The following TRPC5 variants were observed in gnomAD, a reference collection of about 807,000 sequenced individuals.
The protein encoded by TRPC5 is transient receptor potential cation channel subfamily C member 5.
TRPC5 carries 9 observed loss-of-function variants against 56.5 expected under a neutral mutation model. That is an observed-to-expected ratio of 0.16 (90% CI 0.10 to 0.28). The LOEUF is 0.28. TRPC5 is among the 10% of genes least tolerant of loss of function. The probability of loss-of-function intolerance (pLI) is 1.00; values close to 1 mark genes in which losing one functional copy is unlikely to be tolerated. For missense variants in TRPC5, 469 were observed against 748.9 expected, an observed-to-expected ratio of 0.63 and a Z score of 4.36; for synonymous variants, 282 against 278.5, an observed-to-expected ratio of 1.01 and a Z score of -0.13.
chrX:111,830,939 G>A (rs776347930), intron 7 of TRPC5, among the ~76,000 whole-genome samples: 77 of 112,366 alleles, frequency 6.9e-4, no homozygotes, highest in Non-Finnish European at 1.3e-3. Context: ...TACATCTGCA[G>A]AATCCCTTTT....
chrX:111,855,111 C>A (rs1410065109), intron 3 of TRPC5, among the ~76,000 whole-genome samples: 1 of 112,321 alleles, frequency 8.9e-6, no homozygotes, highest in Non-Finnish European at 1.9e-5. Context: ...CACCATTTAG[C>A]TTACTAGTAC....
intron 7 of TRPC5, among the ~76,000 whole-genome samples, chrX:111,826,016 G>A (rs1922225147): frequency 8.9e-6 from 1 of 112,257 alleles, no homozygotes; most frequent in Non-Finnish European, 1.9e-5. Context: ...GAATAGACCT[G>A]AGAGTAAGCA....
At chrX:111,994,077 G>T (rs182233846) in intron 1 of TRPC5, among the ~76,000 whole-genome samples, 8 of 111,805 alleles carry the variant, frequency 7.2e-5, no homozygotes, top group African/African-American at 2.3e-4. Context: ...ATTAATTTTT[G>T]TATAAAGTGT....
Position 111,853,915 on chromosome X carries a change from A to G in TRPC5, c.1092T>C (p.Phe364=). Residue 364 remains phenylalanine, a synonymous_variant, in exon 4 of 11, where the codon TTT becomes TTC. Transcript: ENST00000262839. ...ATGCTGTGTGGCAGATAAACTTGAT[A>G]AAGGGTTTCTTGATGAACAGCCCAA... is the stretch of plus-strand genomic sequence containing the variant. ...SNLGLFIKKP[F]IKFICHTASY... is the part of the protein sequence containing the mutation. The G allele has an allele frequency of 8.3e-7, 1 of 1,211,838 alleles. No individual in the cohort carries two copies. Among genetic ancestry groups the G allele is most frequent in the Non-Finnish European group, 1.1e-6 (1 of 895,557 alleles).
At chrX:111,844,596 G>A (rs1225192764) in intron 6 of TRPC5, among the ~76,000 whole-genome samples, 3 of 107,737 alleles carry the variant, frequency 2.8e-5, no homozygotes, top group Non-Finnish European at 5.7e-5. Flanking sequence ...CTCCCAAGTA[G>A]CTGGGATTAC....
At chrX:111,974,858 C>A (rs1460838792) in intron 1 of TRPC5, among the ~76,000 whole-genome samples, 2 of 111,827 alleles carry the variant, frequency 1.8e-5, no homozygotes, top group African/African-American at 6.5e-5. Flanking sequence ...AAATAATTTA[C>A]AAAATCCATG....
rs1254763026 is a variant in TRPC5 at position 111,774,345 on chromosome X, A to C, written c.*1968T>G. On this transcript the variant is annotated 3_prime_UTR_variant, in exon 11 of 11. Transcript: ENST00000262839. ...TTAATATGAGTTAGGAATGTAGCCC[A>C]GGTTCTATTATTATTCAAAGTGAAT... The C allele has an allele frequency of 3.6e-5, 4 of 111,899 alleles. No homozygotes were observed. Among genetic ancestry groups the C allele is most frequent in the African/African-American group, 1.3e-4 (4 of 30,818 alleles). 9.2% of individuals were successfully genotyped at this position (111,899 alleles called of 1,213,427 possible).
rs182137245 is a variant in TRPC5 at position 111,956,817 on chromosome X, G to A, written c.-21-4376C>T. Among the ~76,000 whole-genome samples the A allele has an allele frequency of 1.9e-3, 209 of 111,653 alleles. 1 individual carries two copies. The highest frequency in any genetic ancestry group is 6.4e-3 in the African/African-American group (196 of 30,749). On this transcript the variant is annotated intron_variant, in intron 1 of 10. Coordinates refer to ENST00000262839, the MANE Select transcript of TRPC5 (RefSeq NM_012471.3). ...CCCTTGACAGTATCCTTGTTAAGTG[G>A]TTGTTCGGTTAATCAGCACCTCCAC...
chrX:111,904,127 T>G (rs1925497456), intron 3 of TRPC5: 1 of 112,136 alleles, frequency 8.9e-6, no homozygotes. Flanking sequence ...TACTTCTGGC[T>G]TTGTCAGATG....
At chrX:111,949,175 A>G (rs996400796) in intron 2 of TRPC5, among the ~76,000 whole-genome samples, 1 of 112,290 alleles carries the variant, frequency 8.9e-6, no homozygotes, top group African/African-American at 3.2e-5. Flanking sequence ...CTCACGTTAT[A>G]CAAAAATCAA....
At chrX:111,889,059 G>A (rs188757217) in intron 3 of TRPC5, among the ~76,000 whole-genome samples, 8 of 112,290 alleles carry the variant, frequency 7.1e-5, no homozygotes, top group Non-Finnish European at 1.3e-4. Context: ...AGATAAACAA[G>A]TATGAGATTT....
chrX:111,803,605 G>A (rs185165731), intron 7 of TRPC5, among the ~76,000 whole-genome samples: 80 of 112,529 alleles, frequency 7.1e-4, no homozygotes, highest in African/African-American at 2.1e-3. Context: ...GACCAGTGAT[G>A]GTGAGCATTT....
intron 7 of TRPC5, among the ~76,000 whole-genome samples, chrX:111,788,410 A>G (rs1033868581): frequency 9.8e-5 from 11 of 111,912 alleles, no homozygotes; most frequent in Non-Finnish European, 1.5e-4. Context: ...GATGGAATGT[A>G]TCTCAAAATA....
At position 111,804,137 on chromosome X, in the gene TRPC5, G is replaced by A. The variant is rs1197527120; in HGVS notation, c.1897-21999C>T. Among the ~76,000 whole-genome samples, 5 of 111,890 alleles carry A rather than the reference G, an allele frequency of 4.5e-5. No homozygotes were observed. The South Asian group carries it at 1.5e-3, about 33-fold the overall frequency. ...TTTCCCCATTACTTGTTTTTGTCAG[G>A]TTTGTCAAAGATCAGATGGTTGTAG... is the stretch of plus-strand genomic sequence containing the variant. On this transcript the variant is annotated intron_variant, in intron 7 of 10. Transcript: ENST00000262839.
intron 2 of TRPC5, among the ~76,000 whole-genome samples, chrX:111,927,680 A>T (rs1393868328): frequency 1.8e-5 from 2 of 111,543 alleles, no homozygotes; most frequent in East Asian, 5.6e-4. Context: ...TACACTAAAA[A>T]GAAGTCAGTG....
chrX:111,848,749 G>T (rs3027711), intron 5 of TRPC5, among the ~76,000 whole-genome samples: 1 of 112,022 alleles, frequency 8.9e-6, no homozygotes, highest in Admixed American at 9.4e-5. Context: ...CTTCTGCTTC[G>T]GATAGACTTT....
intron 3 of TRPC5, among the ~76,000 whole-genome samples, chrX:111,883,418 G>A (rs911747889): frequency 8.9e-6 from 1 of 112,361 alleles, no homozygotes; most frequent in Non-Finnish European, 1.9e-5. Flanking sequence ...TTAAGTCCTA[G>A]CAAGATCATA....
At chrX:111,823,258 G>GGGCCA (rs1922084282) in intron 7 of TRPC5, among the ~76,000 whole-genome samples, 1 of 111,508 alleles carries the variant, frequency 9.0e-6, no homozygotes, top group Non-Finnish European at 1.9e-5. Flanking sequence ...ACCAGGGGGA[G>GGGCCA]GGCCAGGCCA....
intron 7 of TRPC5, among the ~76,000 whole-genome samples, chrX:111,833,053 A>C (rs72619719): frequency 2.7e-5 from 3 of 111,728 alleles, no homozygotes; most frequent in Non-Finnish European, 5.6e-5. Context: ...GGAAAAGTCA[A>C]TTCCTGAGAT....
Sources: allele counts gnomAD v4.1 joint callset (sites outside exome capture counted in the v4.1 genomes callset), GRCh38; gene constraint gnomAD v4.1.1; transcripts MANE v1.5; gene names NCBI Gene and HGNC (gene_info 2026-07-23, HGNC 2026-07-21).